Variants in DENND1A observed in about 807,000 individuals in gnomAD.
DENND1A encodes the protein DENN domain-containing protein 1A.
Under a neutral mutation model 113.7 loss-of-function variants are expected in DENND1A, and 51 were observed. The ratio of observed to expected loss-of-function variants is 0.45; its 90% CI spans 0.36 to 0.57. DENND1A has a LOEUF of 0.57. Ranked by LOEUF, DENND1A falls within the 20% of genes least tolerant of loss-of-function variation. The pLI is 0.00. For missense variants in DENND1A, 1,258 were observed against 1,395.9 expected (o/e 0.90, Z 1.57); for synonymous variants, 565 against 570.8 (o/e 0.99, Z 0.14).
At chr9:123,478,972 T>C (rs1342315527) in intron 13 of DENND1A, among the ~76,000 whole-genome samples, 4 of 152,184 alleles carry the variant, frequency 2.6e-5, no homozygotes, top group African/African-American at 7.2e-5. Context: ...CCAAACTATT[T>C]ATTGTACACC....
chr9:123,506,580 CAAA>C (rs10542393), intron 13 of DENND1A, among the ~76,000 whole-genome samples: 21 of 73,904 alleles, frequency 2.8e-4, no homozygotes, highest in African/African-American at 6.9e-4. Flanking sequence ...GACTCTGTCT[CAAA>C]AAAAAAAAAA....
At chr9:123,495,155 C>CTCTCTCTCTCTT (rs1350733520) in intron 13 of DENND1A, among the ~76,000 whole-genome samples, 3 of 151,152 alleles carry the variant, frequency 2.0e-5, no homozygotes, top group Non-Finnish European at 4.4e-5. Flanking sequence ...CTCTCTCTCT[C>CTCTCTCTCTCTT]TCTCTCTCTC....
intron 9 of DENND1A, among the ~76,000 whole-genome samples, chr9:123,649,888 T>C (rs112610141): frequency 1.1e-3 from 162 of 152,334 alleles, no homozygotes; most frequent in African/African-American, 3.7e-3. Context: ...ATCTATAAGA[T>C]GGAAGTAATT....
chr9:123,426,271 A>T (rs1298170123), intron 19 of DENND1A, among the ~76,000 whole-genome samples: 1 of 152,148 alleles, frequency 6.6e-6, no homozygotes, highest in African/African-American at 2.4e-5. Flanking sequence ...ACGTGTGCTG[A>T]TGCTTTCTGA....
chr9:123,633,395 C>A (rs115865397), intron 9 of DENND1A, among the ~76,000 whole-genome samples: 173 of 152,042 alleles, frequency 1.1e-3, no homozygotes, highest in African/African-American at 4.1e-3. Flanking sequence ...AATATACTCA[C>A]AGTACAAAGA....
intron 3 of DENND1A, among the ~76,000 whole-genome samples, chr9:123,771,334 C>CTTTAT (rs746025646): frequency 6.6e-6 from 1 of 152,152 alleles, no homozygotes; most frequent in Non-Finnish European, 1.5e-5. Flanking sequence ...AAGTATACTA[C>CTTTAT]AATTCACATA....
chr9:123,693,650 A>G lies in DENND1A; in HGVS notation c.303-16861T>C, dbSNP rs182936385. ...CCCTGACTGCTGACCAATGAAGGAC[A>G]AGTTTTCATGGCAATAGAGTTCCAT... On this transcript the variant is annotated intron_variant, in intron 5 of 23. Transcript: ENST00000394215. Among the ~76,000 whole-genome samples, 522 of 152,042 alleles carry G rather than the reference A, an allele frequency of 3.4e-3. 3 individuals are homozygous for G. The highest frequency in any genetic ancestry group is 6.1e-3 in the Non-Finnish European group (413 of 68,000).
At chr9:123,481,646 C>T (rs1287709402) in intron 13 of DENND1A, among the ~76,000 whole-genome samples, 1 of 152,120 alleles carries the variant, frequency 6.6e-6, no homozygotes, top group Admixed American at 6.5e-5. Context: ...ATTGCCCCTG[C>T]TATTTACAGG....
chr9:123,843,092 A>C, intron 2 of DENND1A: 1 of 539,260 alleles, frequency 1.9e-6, no homozygotes, highest in Non-Finnish European at 3.8e-6. Context: ...GCATATTTTC[A>C]ATTATCCTAA....
intron 12 of DENND1A, among the ~76,000 whole-genome samples, chr9:123,567,046 T>G (rs2058093968): frequency 6.6e-6 from 1 of 152,108 alleles, no homozygotes; most frequent in Non-Finnish European, 1.5e-5. Flanking sequence ...TAGGTGGTCA[T>G]TCCATAAAAA....
intron 15 of DENND1A, among the ~76,000 whole-genome samples, chr9:123,455,465 C>T (rs1474596245): frequency 2.0e-5 from 3 of 152,264 alleles, no homozygotes; most frequent in African/African-American, 4.8e-5. Context: ...GCAAATGCCG[C>T]TCCCTTGCCT....
chr9:123,459,862 T>G (rs1189668191), intron 13 of DENND1A, among the ~76,000 whole-genome samples: 5 of 152,226 alleles, frequency 3.3e-5, no homozygotes, highest in African/African-American at 1.2e-4. Context: ...CTGGGCAGAC[T>G]TATTGCACAA....
At chr9:123,787,558 A>C (rs1451802264) in intron 3 of DENND1A, among the ~76,000 whole-genome samples, 1 of 152,224 alleles carries the variant, frequency 6.6e-6, no homozygotes, top group Non-Finnish European at 1.5e-5. Flanking sequence ...TAAGCTTAAG[A>C]AATGTTTTGC....
intron 13 of DENND1A, among the ~76,000 whole-genome samples, chr9:123,482,253 A>T (rs145566186): frequency 6.6e-6 from 1 of 152,236 alleles, no homozygotes; most frequent in East Asian, 1.9e-4. Flanking sequence ...GTGCACCACC[A>T]TGAATGGCTA....
At chr9:123,423,126 ATGCT>A (rs1350714596) in intron 19 of DENND1A, among the ~76,000 whole-genome samples, 1 of 152,182 alleles carries the variant, frequency 6.6e-6, no homozygotes, top group Non-Finnish European at 1.5e-5. Flanking sequence ...CAAGCTCCAG[ATGCT>A]AGAGCCGGAT....
At chr9:123,383,545 TG>T in intron 23 of DENND1A, 109 bp downstream of exon 23, 1 of 1,498,714 alleles carries the variant, frequency 6.7e-7, no homozygotes, top group Non-Finnish European at 8.9e-7. Flanking sequence ...CTGAGGGTCT[TG>T]GAAAGTCACT....
intron 5 of DENND1A, among the ~76,000 whole-genome samples, chr9:123,733,582 C>G (rs114889019): frequency 7.3e-4 from 111 of 152,256 alleles, no homozygotes; most frequent in African/African-American, 2.6e-3. Flanking sequence ...CCATCACATC[C>G]AGCCTTGCTT....
chr9:123,651,590 G>T (rs1263839205), intron 9 of DENND1A, among the ~76,000 whole-genome samples: 2 of 152,160 alleles, frequency 1.3e-5, no homozygotes, highest in Non-Finnish European at 2.9e-5. Context: ...GAATATAACT[G>T]TAACAGTCAA....
intron 13 of DENND1A, among the ~76,000 whole-genome samples, chr9:123,502,215 C>G (rs1407099608): frequency 6.6e-6 from 1 of 151,960 alleles, no homozygotes. Flanking sequence ...TTCTGTCCCT[C>G]TAGAGAACCC....
Sources: allele counts gnomAD v4.1 joint callset (sites outside exome capture counted in the v4.1 genomes callset), GRCh38; gene constraint gnomAD v4.1.1; transcripts MANE v1.5; gene names NCBI Gene and HGNC (gene_info 2026-07-23, HGNC 2026-07-21).